PRKCH: variants seen among roughly 807,000 people sequenced by gnomAD.
PRKCH encodes protein kinase C eta, also known as protein kinase C eta type.
PRKCH carries 28 observed loss-of-function variants against 82.5 expected under a neutral mutation model. The observed-to-expected ratio is 0.34, with a 90% CI of 0.25 to 0.47. The LOEUF is 0.47. PRKCH is among the 20% of genes least tolerant of loss of function. The pLI, the probability that PRKCH is intolerant of heterozygous loss-of-function variation, is 1.00. For synonymous variants in PRKCH, 322 were observed against 327.4 expected (o/e 0.98, Z 0.18); for missense variants, 705 against 881.8 (o/e 0.80, Z 2.54).
intron 10 of PRKCH, among the ~76,000 whole-genome samples, chr14:61,491,730 C>G (rs527905848): frequency 5.9e-5 from 9 of 152,232 alleles, no homozygotes; most frequent in African/African-American, 2.2e-4. Flanking sequence ...CACTGTTCTG[C>G]ACCCTTGCAT....
chr14:61,528,240 C>A (rs1266370960), intron 10 of PRKCH, among the ~76,000 whole-genome samples: 1 of 151,976 alleles, frequency 6.6e-6, no homozygotes, highest in African/African-American at 2.4e-5. Context: ...GTCGCCCAGG[C>A]TGGAGTTCAG....
chr14:61,527,090 A>T (rs1343048964), intron 10 of PRKCH, among the ~76,000 whole-genome samples: 2 of 152,190 alleles, frequency 1.3e-5, no homozygotes, highest in Non-Finnish European at 2.9e-5. Flanking sequence ...TGTGCTGGGA[A>T]GCGGGTTTTT....
In PRKCH at chr14:61,430,867, G is replaced by C. The variant is rs534237766; in HGVS notation, c.428-12244G>C. Among the ~76,000 whole-genome samples the C allele has an allele frequency of 5.5e-4, 84 of 151,796 alleles. 1 individual carries two copies. The highest frequency in any genetic ancestry group is 2.0e-3 in the African/African-American group (81 of 41,408). On this transcript the variant is annotated intron_variant, in intron 2 of 13. Coordinates refer to ENST00000332981, the MANE Select transcript of PRKCH (RefSeq NM_006255.5). ...CCTCCCGGGTTCAAGCGATTCTCCT[G>C]CCTCAGCCTCCCGAGTAGCTGGGAC...
rs114321517 is a variant in PRKCH, at chr14:61,217,790, C to T, written c.-19+30122C>T. On this transcript the variant is annotated intron_variant, in intron 1 of 3. Coordinates refer to the PRKCH transcript ENST00000555185. ...GCACTCAGTATCCACAGGGCTGGCT[C>T]AGATGTCAGCCGGGATATTTGACAA... is the stretch of plus-strand genomic sequence containing the variant. Among the ~76,000 whole-genome samples, 855 of 152,336 alleles carry T rather than the reference C, an allele frequency of 5.6e-3. 13 individuals are homozygous for T. The highest frequency in any genetic ancestry group is 0.034 in the Middle Eastern group (10 of 294).
chr14:61,319,023 A>G (rs2045586319), upstream of PRKCH, among the ~76,000 whole-genome samples: 1 of 152,168 alleles, frequency 6.6e-6, no homozygotes, highest in Admixed American at 6.5e-5. Context: ...ACAAATCCTC[A>G]TCTTACCCTG....
intron 1 of PRKCH, among the ~76,000 whole-genome samples, chr14:61,350,227 A>G (rs2046053288): frequency 6.6e-6 from 1 of 152,092 alleles, no homozygotes; most frequent in Non-Finnish European, 1.5e-5. Flanking sequence ...CAGGATTTGG[A>G]TGCATGTGTA....
At chr14:61,230,201 C>G (rs527840178) in intron 1 of PRKCH, among the ~76,000 whole-genome samples, 78 of 152,268 alleles carry the variant, frequency 5.1e-4, no homozygotes, top group African/African-American at 1.6e-3. Context: ...TGGGTGCTGG[C>G]CAAAGCCTCC....
intron 2 of PRKCH, among the ~76,000 whole-genome samples, chr14:61,399,370 T>C (rs1365428332): frequency 6.6e-6 from 1 of 152,240 alleles, no homozygotes; most frequent in Admixed American, 6.5e-5. Flanking sequence ...TTTACCTCTT[T>C]CCACTTACAA....
intron 10 of PRKCH, among the ~76,000 whole-genome samples, chr14:61,508,810 T>G (rs961580647): frequency 1.3e-5 from 2 of 152,108 alleles, no homozygotes; most frequent in African/African-American, 4.8e-5. Context: ...TAAATGGTCT[T>G]TTTTTGCTAA....
chr14:61,367,167 G>A (rs2046307474), intron 1 of PRKCH, among the ~76,000 whole-genome samples: 2 of 152,040 alleles, frequency 1.3e-5, no homozygotes, highest in Non-Finnish European at 1.5e-5. Flanking sequence ...AGGAAAAGTG[G>A]TGAGAGACAG....
intron 1 of PRKCH, chr14:61,326,944 T>C (rs1373669567): frequency 2.7e-6 from 1 of 376,640 alleles, no homozygotes; most frequent in African/African-American, 2.1e-5. Context: ...TTCGTGTACT[T>C]GCTCTTGATT....
At chr14:61,488,606 T>C (rs934841486) in intron 10 of PRKCH, among the ~76,000 whole-genome samples, 3 of 152,194 alleles carry the variant, frequency 2.0e-5, no homozygotes, top group Non-Finnish European at 4.4e-5. Flanking sequence ...TCCTTTTTGG[T>C]GATAGGACCA....
At chr14:61,530,352 C>T (rs2043030220) in intron 11 of PRKCH, 55 bp from the exon 12 acceptor site, 2 of 1,426,226 alleles carry the variant, frequency 1.4e-6, no homozygotes, top group Non-Finnish European at 1.9e-6. Context: ...TTATGAAGAA[C>T]ACATTTGTTA....
intron 2 of PRKCH, among the ~76,000 whole-genome samples, chr14:61,429,953 A>G (rs2140257812): frequency 6.6e-6 from 1 of 152,316 alleles, no homozygotes; most frequent in Admixed American, 6.5e-5. Context: ...AAAAGTAAAC[A>G]TGATCCCTAA....
At chr14:61,202,748 C>T (rs905478396) in intron 1 of PRKCH, among the ~76,000 whole-genome samples, 2 of 152,098 alleles carry the variant, frequency 1.3e-5, no homozygotes, top group Non-Finnish European at 2.9e-5. Context: ...ACAGAAAAAT[C>T]GTATGGGAAG....
At chr14:61,335,169 C>G (rs968578779) in intron 1 of PRKCH, among the ~76,000 whole-genome samples, 14 of 152,080 alleles carry the variant, frequency 9.2e-5, no homozygotes, top group African/African-American at 3.1e-4. Flanking sequence ...ACAGGGTTGC[C>G]TCTTAGAAAA....
At chr14:61,258,850 A>G (rs149497635) in intron 1 of PRKCH, among the ~76,000 whole-genome samples, 80 of 152,322 alleles carry the variant, frequency 5.3e-4, no homozygotes, top group Non-Finnish European at 8.1e-4. Context: ...ATTTTAACCC[A>G]CAAACTACTC....
rs555255845 is a variant in PRKCH at position 61,333,778 on chromosome 14, A to G, written c.363+11314A>G. Among the ~76,000 whole-genome samples, 6 of 152,318 alleles carry G rather than the reference A, an allele frequency of 3.9e-5. No individual in the cohort carries two copies. In the South Asian group the frequency reaches 1.0e-3, roughly 26 times the overall value. The stretch of plus-strand genomic sequence containing the variant: ...TTGTTAATATAAACTTTTCCCTTGT[A>G]AAAAGAAATAGGATTCATCTTTTTC... On this transcript the variant is annotated intron_variant, in intron 1 of 13. Transcript: ENST00000332981.
intron 2 of PRKCH, among the ~76,000 whole-genome samples, chr14:61,406,952 G>A (rs1031247115): frequency 6.6e-6 from 1 of 151,892 alleles, no homozygotes; most frequent in Non-Finnish European, 1.5e-5. Context: ...TTGGAGTAGT[G>A]TATTAGTCAA....
Sources: gnomAD v4.1 joint callset for allele counts (sites outside exome capture counted in the v4.1 genomes callset) on GRCh38, gnomAD v4.1.1 for gene constraint, MANE v1.5 for transcripts, NCBI Gene and HGNC (gene_info 2026-07-23, HGNC 2026-07-21) for gene names.